The following GIMAP8 variants were observed in gnomAD, a reference collection of about 807,000 sequenced individuals.
GIMAP8 encodes GTPase IMAP family member 8.
A neutral mutation model predicts 35.6 loss-of-function variants in GIMAP8; 29 were observed. The observed-to-expected ratio is 0.81, with a 90% CI of 0.61 to 1.11. GIMAP8 has a LOEUF of 1.11. Among genes scored for constraint, GIMAP8 ranks in the 50% most tolerant of loss-of-function variants. The pLI, the probability that GIMAP8 is intolerant of heterozygous loss-of-function variation, is 0.00. For missense variants in GIMAP8, 811 were observed against 805.0 expected (o/e 1.01, Z -0.09); for synonymous variants, 335 against 308.7 (o/e 1.09, Z -0.89).
Position 150,478,143 on chromosome 7 carries a change from T to C in GIMAP8, c.*363T>C, listed in dbSNP as rs1802283336. 1 of 234,952 alleles carries C rather than the reference T, an allele frequency of 4.3e-6. No individual in the cohort carries two copies. The highest frequency in any genetic ancestry group is 5.1e-5 in the Admixed American group (1 of 19,678). The allele number at this position is 234,952 out of a possible 1,614,324, so 14.6% of individuals were successfully genotyped here. On this transcript the variant is annotated 3_prime_UTR_variant, in exon 5 of 5. Coordinates refer to ENST00000307271, the MANE Select transcript of GIMAP8 (RefSeq NM_175571.4). Reference sequence around the variant, plus strand: ...GCTGAGGCCACCTGGGATGAGAATATAGATAGTCGTACAACAACCCAGGGG... The same window carrying C: ...GCTGAGGCCACCTGGGATGAGAATACAGATAGTCGTACAACAACCCAGGGG...
At chr7:150,452,589 ATATATATGTATATATGTATG>A (rs1320684723) in intron 1 of GIMAP8, among the ~76,000 whole-genome samples, 4 of 147,926 alleles carry the variant, frequency 2.7e-5, no homozygotes, top group African/African-American at 5.0e-5. Flanking sequence ...GTATATATGT[ATATATATGTATATATGTATG>A]TATATATGTA....
Position 150,452,223 on chromosome 7 carries a change from C to T in GIMAP8, c.-29+1048C>T, listed in dbSNP as rs140779448. Among the ~76,000 whole-genome samples, 466 of 152,106 alleles carry T rather than the reference C, an allele frequency of 3.1e-3. 5 individuals are homozygous for T. Among genetic ancestry groups the T allele is most frequent in the Admixed American group, 0.013 (202 of 15,268 alleles). ...GCGTGAGTGAGGGTGAGTTTGGGTA[C>T]CTTTTTGTCCTTAAGTGCACTTTCT... On this transcript the variant is annotated intron_variant, in intron 1 of 4. Transcript: ENST00000307271.
chr7:150,478,148 A>T lies in GIMAP8; in HGVS notation c.*368A>T, dbSNP rs1377594838. The T allele has an allele frequency of 4.4e-6, 1 of 226,164 alleles. No individual in the cohort carries two copies. The highest frequency in any genetic ancestry group is 5.1e-5 in the Admixed American group (1 of 19,566). The allele number at this position is 226,164 out of a possible 1,614,324, so 14.0% of individuals were successfully genotyped here. A position where few individuals can be genotyped will look rare whatever the true frequency, so the allele number is the denominator to read the frequency against. ...GGCCACCTGGGATGAGAATATAGAT[A>T]GTCGTACAACAACCCAGGGGATCCA... is the stretch of plus-strand genomic sequence containing the variant. On this transcript the variant is annotated 3_prime_UTR_variant, in exon 5 of 5. Transcript: ENST00000307271.
intron 1 of GIMAP8, among the ~76,000 whole-genome samples, chr7:150,455,159 A>G (rs1801702633): frequency 6.6e-6 from 1 of 151,584 alleles, no homozygotes; most frequent in African/African-American, 2.4e-5. Flanking sequence ...AAAAAAACCA[A>G]AAAACAAAAA....
intron 2 of GIMAP8, 114 bp from the exon 3 acceptor site, chr7:150,470,715 G>A (rs1290651992): frequency 1.4e-6 from 1 of 726,366 alleles, no homozygotes; most frequent in Non-Finnish European, 2.3e-6. Context: ...ATCTGACTCA[G>A]CAGATCATTC....
chr7:150,467,453 A>G (rs1801994270), intron 2 of GIMAP8, 119 bp downstream of exon 2: 6 of 770,120 alleles, frequency 7.8e-6, no homozygotes, highest in South Asian at 3.9e-5. Context: ...GTTTAATAAG[A>G]TATTTATATA....
intron 2 of GIMAP8, among the ~76,000 whole-genome samples, chr7:150,468,259 A>G (rs1426725972): frequency 6.6e-6 from 1 of 152,252 alleles, no homozygotes; most frequent in East Asian, 1.9e-4. Context: ...CATCTCACAC[A>G]TTACAGCCAG....
chr7:150,471,716 C>T (rs1170170826), intron 3 of GIMAP8, among the ~76,000 whole-genome samples: 1 of 151,838 alleles, frequency 6.6e-6, no homozygotes, highest in African/African-American at 2.4e-5. Context: ...GCGTGCCTGT[C>T]GTCTCAGCTA....
chr7:150,467,246 T>TG lies in GIMAP8; in HGVS notation c.550dup (p.Glu184GlyfsTer7). 1.2e-6 allele frequency: 2 copies of TG among 1,614,240 alleles called. No homozygotes were observed. Among genetic ancestry groups the TG allele is most frequent in the Non-Finnish European group, 1.7e-6 (2 of 1,180,038 alleles). On this transcript the variant is annotated frameshift_variant, in exon 2 of 5. Coordinates refer to ENST00000307271, the MANE Select transcript of GIMAP8 (RefSeq NM_175571.4). LOFTEE classifies it high-confidence loss of function. ...AAGGATGAGCAGATCACCCAGGTGT[T>TG]GGAGCTCCTTCGCAAGGTTGAGTCT...
intron 1 of GIMAP8, among the ~76,000 whole-genome samples, chr7:150,452,675 G>GATATATATATATATATATATAT (rs373374121): frequency 2.9e-4 from 23 of 79,642 alleles, no homozygotes; most frequent in African/African-American, 4.2e-4. Flanking sequence ...GTGTGTGTGA[G>GATATATATATATATATATATAT]ATATATATAT....
intron 1 of GIMAP8, among the ~76,000 whole-genome samples, chr7:150,462,766 ATTCT>A (rs1474204811): frequency 2.0e-5 from 3 of 152,170 alleles, no homozygotes; most frequent in African/African-American, 7.2e-5. Context: ...TGTTTTTAGA[ATTCT>A]TTCTTTGTCT....
At position 150,477,429 on chromosome 7, in the gene GIMAP8, G is replaced by C. The variant is rs756257845; in HGVS notation, c.1647G>C (p.Glu549Asp). 5.6e-6 allele frequency: 9 copies of C among 1,613,764 alleles called. No individual in the cohort carries two copies. The South Asian group carries it at 9.9e-5, about 18-fold the overall frequency. ...EEDKTAVAKL[E>D]AIFGADFTKY... ...ACAAAACAGCTGTGGCGAAACTGGA[G>C]GCCATCTTTGGAGCAGACTTTACGA... The change falls in exon 5 of 5, where the codon GAG becomes GAC. Residue 549 changes from glutamate (E) to aspartate (D), a missense_variant. By Grantham distance (45) the Glu-to-Asp change is conservative. Transcript: ENST00000307271.
In GIMAP8 at chr7:150,473,993, C is replaced by T; in HGVS notation, c.683-19C>T. 6.2e-7 allele frequency: 1 copy of T among 1,600,656 alleles called. No homozygotes were observed. The highest frequency in any genetic ancestry group is 8.5e-7 in the Non-Finnish European group (1 of 1,174,058). ...TCAACTGCAGGAAGAGACTCTGAAC[C>T]TGTCCATTTGTCCCACAGGCCCAAG... On this transcript the variant is annotated intron_variant, in intron 3 of 4. Coordinates refer to ENST00000307271, the MANE Select transcript of GIMAP8 (RefSeq NM_175571.4).
Position 150,467,025 on chromosome 7 carries a change from G to A in GIMAP8, c.327G>A (p.Glu109=), listed in dbSNP as rs758062268. 6.2e-7 allele frequency: 1 copy of A among 1,614,090 alleles called. No homozygotes were observed. Among genetic ancestry groups the A allele is most frequent in the Non-Finnish European group, 8.5e-7 (1 of 1,180,038 alleles). The change falls in exon 2 of 5, where the codon GAG becomes GAA. Residue 109 remains glutamate (E), a synonymous_variant. Coordinates refer to ENST00000307271, the MANE Select transcript of GIMAP8 (RefSeq NM_175571.4). ...LVIAIGHFTR[E]DEETAKGIQQ... is the part of the protein sequence containing the mutation. ...TTGCCATCGGCCATTTCACAAGGGA[G>A]GATGAGGAAACAGCCAAGGGCATCC...
chr7:150,465,680 A>C (rs1269236201), intron 1 of GIMAP8, among the ~76,000 whole-genome samples: 1 of 152,162 alleles, frequency 6.6e-6, no homozygotes, highest in Non-Finnish European at 1.5e-5. Flanking sequence ...AGTAGAGCTG[A>C]CTCTGTGGGC....
At position 150,451,982 on chromosome 7, in the gene GIMAP8, C is replaced by T. The variant is rs1389323727; in HGVS notation, c.-29+807C>T. Among the ~76,000 whole-genome samples the T allele has an allele frequency of 6.6e-6, 1 of 152,178 alleles. No homozygotes were observed. Among genetic ancestry groups the T allele is most frequent in the African/African-American group, 2.4e-5 (1 of 41,436 alleles). Reference sequence around the variant, plus strand: ...CACCCTGCTCTGTAAGTGGGAACTGCGATTAGATGTGGGATGAATCCCCGC... The same window carrying T: ...CACCCTGCTCTGTAAGTGGGAACTGTGATTAGATGTGGGATGAATCCCCGC... On this transcript the variant is annotated intron_variant, in intron 1 of 4. Transcript: ENST00000307271. This position sits in a 1 kb window ranked among gnomAD's most constrained non-coding sequence, Gnocchi z 4.1.
rs924540549 is a variant in GIMAP8 at position 150,455,690 on chromosome 7, T to C, written c.-29+4515T>C. On this transcript the variant is annotated intron_variant, in intron 1 of 4. Coordinates refer to ENST00000307271, the MANE Select transcript of GIMAP8 (RefSeq NM_175571.4). ...AATTTGAATGTGCACGAGGATAACC[T>C]GGGTCTTGTTAAATTGTAGATTCTG... 2.0e-5 allele frequency among the ~76,000 whole-genome samples: 3 copies of C among 152,234 alleles called. No individual in the cohort carries two copies. The East Asian group carries it at 5.8e-4, about 29-fold the overall frequency.
chr7:150,464,351 G>T (rs1801907145), intron 1 of GIMAP8, among the ~76,000 whole-genome samples: 1 of 152,174 alleles, frequency 6.6e-6, no homozygotes, highest in Non-Finnish European at 1.5e-5. Flanking sequence ...TTTTACAAGA[G>T]AAGTTATTGC....
intron 2 of GIMAP8, among the ~76,000 whole-genome samples, chr7:150,470,314 T>C (rs1447297082): frequency 3.9e-5 from 6 of 152,144 alleles, no homozygotes; most frequent in Admixed American, 3.3e-4. Flanking sequence ...GTCTAGGAAG[T>C]TTCTAAGACT....
Sources: allele counts gnomAD v4.1 joint callset (sites outside exome capture counted in the v4.1 genomes callset), GRCh38; gene constraint gnomAD v4.1.1; non-coding constraint Gnocchi (gnomAD v3.1); transcripts MANE v1.5; gene names NCBI Gene and HGNC (gene_info 2026-07-23, HGNC 2026-07-21).